The following ESRRG variants were observed in gnomAD, a reference collection of about 807,000 sequenced individuals.
ESRRG encodes estrogen related receptor gamma, also known as estrogen-related receptor gamma.
In ESRRG, 13 loss-of-function variants were observed where a neutral mutation model predicts 44.0. The ratio of observed to expected loss-of-function variants is 0.30; its 90% CI spans 0.19 to 0.47. The LOEUF (loss-of-function observed/expected upper bound fraction) is 0.47, where lower values mean the gene tolerates loss of function less well. ESRRG is among the 20% of genes least tolerant of loss of function. The probability of loss-of-function intolerance (pLI) is 1.00; values close to 1 mark genes in which losing one functional copy is unlikely to be tolerated. For synonymous variants in ESRRG, 215 were observed against 214.6 expected (o/e 1.00, Z -0.02); for missense variants, 395 against 580.6 (o/e 0.68, Z 3.29).
chr1:217,007,886 G>T (rs1410409188), intron 1 of ESRRG, among the ~76,000 whole-genome samples: 1 of 152,142 alleles, frequency 6.6e-6, no homozygotes, highest in East Asian at 1.9e-4. Flanking sequence ...GTGGAAGCAG[G>T]TGCAGGGGGA....
At chr1:216,529,023 T>C (rs1464559300) in intron 5 of ESRRG, among the ~76,000 whole-genome samples, 1 of 152,188 alleles carries the variant, frequency 6.6e-6, no homozygotes, top group Non-Finnish European at 1.5e-5. Flanking sequence ...ACTGTGTCTT[T>C]ACACACAGGT....
intron 1 of ESRRG, among the ~76,000 whole-genome samples, chr1:216,986,592 C>T (rs1171286258): frequency 2.0e-5 from 3 of 151,228 alleles, no homozygotes; most frequent in African/African-American, 4.9e-5. Context: ...CCTGGAGTGG[C>T]GGGGCATGGC....
intron 1 of ESRRG, among the ~76,000 whole-genome samples, chr1:216,990,187 T>G (rs924758383): frequency 2.6e-5 from 4 of 152,146 alleles, no homozygotes; most frequent in African/African-American, 9.7e-5. Context: ...AGGGATGGCA[T>G]GACAGGCAAA....
At chr1:216,931,815 G>A (rs1433067131) in intron 2 of ESRRG, among the ~76,000 whole-genome samples, 4 of 114,554 alleles carry the variant, frequency 3.5e-5, no homozygotes, top group African/African-American at 3.1e-5. Flanking sequence ...ATCTAATCAA[G>A]ACAGAAAAAT....
rs552152624 is a variant in ESRRG, at chr1:216,820,123, A to G, written c.-14+119459T>C. 2.6e-5 allele frequency among the ~76,000 whole-genome samples: 4 copies of G among 152,316 alleles called. No homozygotes were observed. In the South Asian group the frequency reaches 8.3e-4, roughly 32 times the overall value. On this transcript the variant is annotated intron_variant, in intron 2 of 7. Transcript: ENST00000359162. ...ATAGCCTGGTAAGATTTTAAATAAA[A>G]AGAAAAATTTTAAGGAAGTTCTCAT...
At chr1:216,804,684 T>A (rs956924340) in intron 2 of ESRRG, among the ~76,000 whole-genome samples, 1 of 152,094 alleles carries the variant, frequency 6.6e-6, no homozygotes, top group Non-Finnish European at 1.5e-5. Context: ...CTGCACAAAT[T>A]TGTGCTTTGA....
In ESRRG at chr1:216,923,576, G is replaced by T. The variant is rs533736732; in HGVS notation, c.-14+16006C>A. Among the ~76,000 whole-genome samples, 70 of 152,278 alleles carry T rather than the reference G, an allele frequency of 4.6e-4. 1 individual carries two copies. In the South Asian group the frequency reaches 0.013, roughly 29 times the overall value. On this transcript the variant is annotated intron_variant, in intron 2 of 7. Transcript: ENST00000359162. ...CAAAAGCTGGGATTGTGATTAACTG[G>T]ACTGTTGGTGGAGTCGGCAGATCCG...
At chr1:217,056,332 T>A (rs6685662) in intron 1 of ESRRG, among the ~76,000 whole-genome samples, 1 of 152,124 alleles carries the variant, frequency 6.6e-6, no homozygotes, top group African/African-American at 2.4e-5. Flanking sequence ...TACATTTTAC[T>A]TATTGTCTTT....
At chr1:217,092,036 G>A (rs1289053465), upstream of ESRRG, among the ~76,000 whole-genome samples, 2 of 152,200 alleles carry the variant, frequency 1.3e-5, no homozygotes. Flanking sequence ...TCAGGCAGCT[G>A]AGTGGTTTCT....
At chr1:216,935,882 T>A (rs1342170381) in intron 2 of ESRRG, among the ~76,000 whole-genome samples, 1 of 152,258 alleles carries the variant, frequency 6.6e-6, no homozygotes, top group East Asian at 1.9e-4. Context: ...CCCAAAGTGC[T>A]GGGATTACAG....
chr1:216,793,139 G>T (rs2094371638), intron 2 of ESRRG, among the ~76,000 whole-genome samples: 1 of 152,084 alleles, frequency 6.6e-6, no homozygotes, highest in Non-Finnish European at 1.5e-5. Context: ...CACAGTGTTG[G>T]CTAAAATCTG....
chr1:217,055,960 C>G (rs1051234799), intron 1 of ESRRG, among the ~76,000 whole-genome samples: 1 of 152,170 alleles, frequency 6.6e-6, no homozygotes, highest in African/African-American at 2.4e-5. Context: ...ACTGTATCTC[C>G]TTTTCTCCTT....
At chr1:217,044,096 T>C (rs1315295625) in intron 1 of ESRRG, among the ~76,000 whole-genome samples, 4 of 152,162 alleles carry the variant, frequency 2.6e-5, no homozygotes, top group African/African-American at 9.7e-5. Context: ...AATAAGGCAA[T>C]AATTGGCTTT....
At chr1:216,843,176 A>AGATCTT (rs1327717281) in intron 2 of ESRRG, among the ~76,000 whole-genome samples, 6 of 151,946 alleles carry the variant, frequency 3.9e-5, no homozygotes, top group Non-Finnish European at 7.4e-5. Flanking sequence ...CATCTTTACA[A>AGATCTT]TACTGTCCCA....
chr1:217,137,384 G>T (rs191702382), intron 1 of ESRRG, among the ~76,000 whole-genome samples: 1 of 152,162 alleles, frequency 6.6e-6, no homozygotes, highest in Non-Finnish European at 1.5e-5. Context: ...AATACTAAGG[G>T]GGCTCAGGCA....
At chr1:216,873,715 T>C (rs1285167022) in intron 2 of ESRRG, among the ~76,000 whole-genome samples, 2 of 151,130 alleles carry the variant, frequency 1.3e-5, no homozygotes, top group African/African-American at 2.4e-5. Context: ...GAAAGTAACA[T>C]TGATGTGCTC....
chr1:216,922,640 C>T (rs1014053067), intron 2 of ESRRG, among the ~76,000 whole-genome samples: 2 of 152,092 alleles, frequency 1.3e-5, no homozygotes, highest in South Asian at 2.1e-4. Context: ...CTTTGGTCCC[C>T]GAGTCCGAAG....
chr1:216,603,707 T>C (rs2059541689), intron 3 of ESRRG, among the ~76,000 whole-genome samples: 1 of 152,074 alleles, frequency 6.6e-6, no homozygotes. Context: ...GGCAGGTGGA[T>C]CACTTGAGGC....
intron 1 of ESRRG, among the ~76,000 whole-genome samples, chr1:217,122,509 A>G (rs2092832567): frequency 6.6e-6 from 1 of 152,116 alleles, no homozygotes; most frequent in South Asian, 2.1e-4. Flanking sequence ...TCAGTAGCTT[A>G]ATACATTGAA....
Sources: allele counts gnomAD v4.1 joint callset (sites outside exome capture counted in the v4.1 genomes callset), GRCh38; gene constraint gnomAD v4.1.1; transcripts MANE v1.5; gene names NCBI Gene and HGNC (gene_info 2026-07-23, HGNC 2026-07-21).